MYRIP: variants seen among roughly 807,000 people sequenced by gnomAD.
The protein encoded by MYRIP is rab effector MyRIP.
In MYRIP, 49 loss-of-function variants were observed where a neutral mutation model predicts 98.0. The ratio of observed to expected loss-of-function variants is 0.50; its 90% CI spans 0.40 to 0.63. MYRIP has a LOEUF of 0.63. MYRIP is among the 30% of genes least tolerant of loss of function. The pLI, the probability that MYRIP is intolerant of heterozygous loss-of-function variation, is 0.00. For missense variants in MYRIP, 1,004 were observed against 1,058.2 expected (o/e 0.95, Z 0.71); for synonymous variants, 404 against 409.5 (o/e 0.99, Z 0.16).
intron 2 of MYRIP, among the ~76,000 whole-genome samples, chr3:40,043,216 A>AT (rs1171219413): frequency 1.3e-5 from 2 of 152,364 alleles, no homozygotes; most frequent in East Asian, 3.9e-4. Flanking sequence ...AGTAAAAATT[A>AT]TAGTCTAGTA....
chr3:39,883,335 G>T (rs1943203383), intron 1 of MYRIP, among the ~76,000 whole-genome samples: 1 of 152,162 alleles, frequency 6.6e-6, no homozygotes, highest in Non-Finnish European at 1.5e-5. Context: ...AAGCTTGCTG[G>T]TACCGTCAGC....
At chr3:40,000,689 A>G (rs1382073408) in intron 2 of MYRIP, among the ~76,000 whole-genome samples, 1 of 152,122 alleles carries the variant, frequency 6.6e-6, no homozygotes, top group African/African-American at 2.4e-5. Flanking sequence ...ATGAGATGAA[A>G]GCAGACTACA....
chr3:39,985,840 A>C (rs1449980284), intron 2 of MYRIP, among the ~76,000 whole-genome samples: 1 of 151,944 alleles, frequency 6.6e-6, no homozygotes, highest in Admixed American at 6.5e-5. Context: ...TGTTAGACCT[A>C]AAACCATAAA....
chr3:40,122,442 T>A (rs1273859832), intron 3 of MYRIP, among the ~76,000 whole-genome samples: 1 of 151,610 alleles, frequency 6.6e-6, no homozygotes, highest in Non-Finnish European at 1.5e-5. Flanking sequence ...TTATTCATGC[T>A]TCTTGTAGAA....
intron 3 of MYRIP, among the ~76,000 whole-genome samples, chr3:40,097,774 A>G (rs1575535583): frequency 6.6e-6 from 1 of 152,188 alleles, no homozygotes; most frequent in East Asian, 1.9e-4. Context: ...AGAGGCATGG[A>G]AATGCTGCAG....
At chr3:39,818,103 C>T (rs1204170757) in intron 1 of MYRIP, among the ~76,000 whole-genome samples, 1 of 152,138 alleles carries the variant, frequency 6.6e-6, no homozygotes, top group South Asian at 2.1e-4. Flanking sequence ...TTCAATGAAA[C>T]CATTCTTTTA....
At chr3:40,248,894 G>C (rs569047313) in intron 13 of MYRIP, among the ~76,000 whole-genome samples, 3 of 152,350 alleles carry the variant, frequency 2.0e-5, no homozygotes, top group African/African-American at 7.2e-5. Flanking sequence ...GGTGCCTTCT[G>C]GGGCTGGCTA....
intron 3 of MYRIP, among the ~76,000 whole-genome samples, chr3:40,095,339 G>A (rs1012519028): frequency 2.0e-5 from 3 of 152,128 alleles, no homozygotes; most frequent in Middle Eastern, 3.2e-3. Flanking sequence ...GGGTGAGTCC[G>A]CTTCTAGCTT....
At chr3:40,142,696 C>A (rs1949931350) in intron 3 of MYRIP, among the ~76,000 whole-genome samples, 2 of 151,922 alleles carry the variant, frequency 1.3e-5, no homozygotes, top group Non-Finnish European at 2.9e-5. Flanking sequence ...TAGGCTCAAG[C>A]AATCTGACTG....
At chr3:39,948,477 A>T (rs2125715698) in intron 2 of MYRIP, among the ~76,000 whole-genome samples, 1 of 152,336 alleles carries the variant, frequency 6.6e-6, no homozygotes, top group South Asian at 2.1e-4. Flanking sequence ...ATATGAATAA[A>T]GAACAAGCAA....
At chr3:39,845,091 C>A (rs898092) in intron 1 of MYRIP, among the ~76,000 whole-genome samples, 95,119 of 152,068 alleles carry the variant, frequency 0.63, 29,968 homozygotes, top group Middle Eastern at 0.71. Context: ...CTGAAAGGCT[C>A]AATGATGATT....
At chr3:40,009,340 G>A (rs1316995431) in intron 2 of MYRIP, among the ~76,000 whole-genome samples, 2 of 151,424 alleles carry the variant, frequency 1.3e-5, no homozygotes, top group East Asian at 2.0e-4. Flanking sequence ...GGGTTCAAGC[G>A]ATTCTCCTAC....
At chr3:40,090,854 T>C (rs1249607327) in intron 3 of MYRIP, among the ~76,000 whole-genome samples, 5 of 152,268 alleles carry the variant, frequency 3.3e-5, no homozygotes, top group African/African-American at 1.2e-4. Flanking sequence ...TGTAGTTTGG[T>C]GGGCTGTGGA....
intron 1 of MYRIP, among the ~76,000 whole-genome samples, chr3:39,815,414 T>C (rs1044305989): frequency 1.3e-5 from 2 of 151,994 alleles, no homozygotes; most frequent in African/African-American, 4.8e-5. Context: ...TGTGTGTGTG[T>C]ATGTATGTAT....
rs369459406 is a variant in MYRIP, at chr3:40,028,951, C to T, written c.111-15099C>T. On this transcript the variant is annotated intron_variant, in intron 2 of 16. Coordinates refer to ENST00000302541, the MANE Select transcript of MYRIP (RefSeq NM_015460.4). ...GCTAGAGGGCTTGGTACAGTTATTA[C>T]TAGATACCAGTGAGCTTTAAAATGC... 1.3e-3 allele frequency among the ~76,000 whole-genome samples: 193 copies of T among 152,204 alleles called. 3 individuals are homozygous for T. The South Asian group carries it at 0.038, about 30-fold the overall frequency.
At chr3:39,960,331 G>A (rs17067026) in intron 2 of MYRIP, among the ~76,000 whole-genome samples, 13,109 of 152,092 alleles carry the variant, frequency 0.086, 1,020 homozygotes, top group African/African-American at 0.2. Flanking sequence ...ATTCTCACTG[G>A]ACATTTATCC....
intron 4 of MYRIP, among the ~76,000 whole-genome samples, chr3:40,160,643 G>A (rs557030413): frequency 4.2e-4 from 64 of 152,314 alleles, no homozygotes; most frequent in South Asian, 4.1e-3. Flanking sequence ...AGCAATCAGC[G>A]AGACTCCGTG....
At chr3:39,877,415 G>T (rs913842186) in intron 1 of MYRIP, among the ~76,000 whole-genome samples, 1 of 151,986 alleles carries the variant, frequency 6.6e-6, no homozygotes, top group Non-Finnish European at 1.5e-5. Flanking sequence ...GAGGAGAGGC[G>T]CTCTGCTTTT....
intron 2 of MYRIP, among the ~76,000 whole-genome samples, chr3:39,988,234 A>G (rs530179073): frequency 1.3e-5 from 2 of 152,044 alleles, no homozygotes; most frequent in African/African-American, 2.4e-5. Flanking sequence ...TGGGTGCAGC[A>G]CACCAGCATG....
Sources: gnomAD v4.1 joint callset for allele counts (sites outside exome capture counted in the v4.1 genomes callset) on GRCh38, gnomAD v4.1.1 for gene constraint, MANE v1.5 for transcripts, NCBI Gene and HGNC (gene_info 2026-07-23, HGNC 2026-07-21) for gene names.